Variants in DCC observed in about 807,000 individuals in gnomAD.
DCC encodes the protein DCC netrin 1 receptor, also known as netrin receptor DCC.
Under a neutral mutation model 172.5 loss-of-function variants are expected in DCC, and 58 were observed. That is an observed-to-expected ratio of 0.34 (90% CI 0.27 to 0.42). The LOEUF (loss-of-function observed/expected upper bound fraction) is 0.42, where lower values mean the gene tolerates loss of function less well. Among genes scored for constraint, DCC ranks in the 10% least tolerant of loss-of-function variants. The pLI is 1.00. For synonymous variants in DCC, 709 were observed against 644.5 expected, an observed-to-expected ratio of 1.10 and a Z score of -1.52; for missense variants, 1,740 against 1,791.0, an observed-to-expected ratio of 0.97 and a Z score of 0.51.
chr18:52,439,833 T>C (rs538429245), intron 1 of DCC, among the ~76,000 whole-genome samples: 1 of 152,220 alleles, frequency 6.6e-6, no homozygotes, highest in African/African-American at 2.4e-5. Context: ...TATTACGCAT[T>C]GCATGCCTGT....
intron 5 of DCC, among the ~76,000 whole-genome samples, chr18:53,001,834 C>T (rs1161699039): frequency 6.6e-6 from 1 of 152,018 alleles, no homozygotes; most frequent in Non-Finnish European, 1.5e-5. Context: ...TTATCCTGGT[C>T]ACCTAATGCA....
At chr18:52,922,905 A>C (rs2040146909) in intron 3 of DCC, among the ~76,000 whole-genome samples, 1 of 152,166 alleles carries the variant, frequency 6.6e-6, no homozygotes, top group Non-Finnish European at 1.5e-5. Flanking sequence ...TAATCTTAGC[A>C]ACTTTGGATG....
chr18:52,959,840 T>C (rs896905641), intron 5 of DCC, among the ~76,000 whole-genome samples: 1 of 152,254 alleles, frequency 6.6e-6, no homozygotes, highest in Non-Finnish European at 1.5e-5. Flanking sequence ...GGGATACTAG[T>C]ATGTTTTCAG....
Position 52,971,891 on chromosome 18 carries a change from C to T in DCC, c.985+46521C>T, listed in dbSNP as rs190689176. On this transcript the variant is annotated intron_variant, in intron 5 of 28. Transcript: ENST00000442544. ...TTTCCTGCTATGTAGTCTCCATACA[C>T]AACAAACTTTAACAGCACATTGAGG... Among the ~76,000 whole-genome samples, 273 of 152,258 alleles carry T rather than the reference C, an allele frequency of 1.8e-3. 1 individual carries two copies. The highest frequency in any genetic ancestry group is 6.4e-3 in the African/African-American group (265 of 41,572).
chr18:52,482,992 G>A (rs1463326818), intron 1 of DCC, among the ~76,000 whole-genome samples: 1 of 152,090 alleles, frequency 6.6e-6, no homozygotes, highest in Admixed American at 6.6e-5. Context: ...CTCAAATGGA[G>A]GTGATAGTAT....
At chr18:52,998,801 T>C (rs1265482496) in intron 5 of DCC, among the ~76,000 whole-genome samples, 1 of 152,072 alleles carries the variant, frequency 6.6e-6, no homozygotes, top group Non-Finnish European at 1.5e-5. Context: ...TAAAATTTTA[T>C]ATTAGTTTTT....
intron 7 of DCC, among the ~76,000 whole-genome samples, chr18:53,066,981 A>T (rs2042580428): frequency 6.6e-6 from 1 of 152,038 alleles, no homozygotes. Context: ...ACCAGATCTC[A>T]TGAGAACTCA....
intron 21 of DCC, among the ~76,000 whole-genome samples, chr18:53,429,193 T>C (rs1451067760): frequency 7.6e-6 from 1 of 132,340 alleles, no homozygotes; most frequent in East Asian, 2.0e-4. Flanking sequence ...TGGCAAAGTG[T>C]ACTGCCTTTA....
At chr18:53,202,006 G>A (rs1174489587) in intron 9 of DCC, among the ~76,000 whole-genome samples, 1 of 152,144 alleles carries the variant, frequency 6.6e-6, no homozygotes, top group Non-Finnish European at 1.5e-5. Flanking sequence ...CTGTGTATAT[G>A]TATATAAACA....
rs116540584 is a variant in DCC, at chr18:52,873,573, G to T, written c.413-32471G>T. On this transcript the variant is annotated intron_variant, in intron 2 of 28. Transcript: ENST00000442544. ...CAAGAGGTTTGATCATTTGTCAATA[G>T]TTTTATCAAAATTAATATATATAGT... Among the ~76,000 whole-genome samples, 326 of 152,310 alleles carry T rather than the reference G, an allele frequency of 2.1e-3. 2 individuals are homozygous for T. Among genetic ancestry groups the T allele is most frequent in the African/African-American group, 7.4e-3 (309 of 41,574 alleles).
intron 13 of DCC, among the ~76,000 whole-genome samples, chr18:53,315,796 C>T (rs937769150): frequency 1.3e-5 from 2 of 151,946 alleles, no homozygotes; most frequent in Non-Finnish European, 2.9e-5. Context: ...ATCCATTGCC[C>T]ACTTTTTGAT....
At position 52,952,878 on chromosome 18, in the gene DCC, G is replaced by C. The variant is rs1238139767; in HGVS notation, c.985+27508G>C. ...CTGAGCACAGTCACACATGCCTGTA[G>C]TCCCAGCTACTCAAGAGGCTGAGGT... On this transcript the variant is annotated intron_variant, in intron 5 of 28. Coordinates refer to ENST00000442544, the MANE Select transcript of DCC (RefSeq NM_005215.4). Among the ~76,000 whole-genome samples the C allele has an allele frequency of 2.0e-5, 3 of 151,598 alleles. No individual in the cohort carries two copies. The East Asian group carries it at 5.8e-4, about 30-fold the overall frequency.
chr18:53,337,220 G>T (rs866076507), intron 14 of DCC, among the ~76,000 whole-genome samples: 1 of 152,188 alleles, frequency 6.6e-6, no homozygotes. Context: ...TATTCTAAAA[G>T]ATGTTAAATA....
At chr18:53,292,417 T>C (rs997027241) in intron 12 of DCC, among the ~76,000 whole-genome samples, 1 of 152,194 alleles carries the variant, frequency 6.6e-6, no homozygotes, top group African/African-American at 2.4e-5. Flanking sequence ...CCAGGCATGG[T>C]GGCTTACACC....
At chr18:53,002,828 A>C (rs781336335) in intron 5 of DCC, among the ~76,000 whole-genome samples, 11 of 152,092 alleles carry the variant, frequency 7.2e-5, no homozygotes, top group Non-Finnish European at 1.3e-4. Flanking sequence ...ATGGATTTGC[A>C]CCTGATATAT....
intron 7 of DCC, among the ~76,000 whole-genome samples, chr18:53,071,273 A>T (rs2042647701): frequency 6.6e-6 from 1 of 152,212 alleles, no homozygotes; most frequent in South Asian, 2.1e-4. Context: ...TAATCTGCTG[A>T]ATTAAATTGA....
intron 1 of DCC, among the ~76,000 whole-genome samples, chr18:52,558,369 C>T (rs894966329): frequency 6.6e-6 from 1 of 152,040 alleles, no homozygotes; most frequent in African/African-American, 2.4e-5. Flanking sequence ...AATTTCTCTA[C>T]ACATATTGTC....
chr18:52,570,986 TAAG>T (rs1380706332), intron 1 of DCC, among the ~76,000 whole-genome samples: 2 of 152,196 alleles, frequency 1.3e-5, no homozygotes, highest in Non-Finnish European at 2.9e-5. Context: ...ATCTATAGGA[TAAG>T]GAAATCTATA....
At chr18:52,503,334 T>G (rs1180071316) in intron 1 of DCC, among the ~76,000 whole-genome samples, 4 of 152,108 alleles carry the variant, frequency 2.6e-5, no homozygotes, top group African/African-American at 4.8e-5. Flanking sequence ...GAGTTACCCT[T>G]GTTAAAGATG....
Sources: allele counts gnomAD v4.1 joint callset (sites outside exome capture counted in the v4.1 genomes callset), GRCh38; gene constraint gnomAD v4.1.1; transcripts MANE v1.5; gene names NCBI Gene and HGNC (gene_info 2026-07-23, HGNC 2026-07-21).